GRID2: variants seen among roughly 807,000 people sequenced by gnomAD.
GRID2 encodes glutamate ionotropic receptor delta type subunit 2.
In GRID2, 33 loss-of-function variants were observed where a neutral mutation model predicts 114.8. The ratio of observed to expected loss-of-function variants is 0.29; its 90% CI spans 0.22 to 0.38. The LOEUF (loss-of-function observed/expected upper bound fraction) is 0.38, where lower values mean the gene tolerates loss of function less well. Among genes scored for constraint, GRID2 ranks in the 10% least tolerant of loss-of-function variants. The pLI is 1.00. For missense variants in GRID2, 1,184 were observed against 1,257.7 expected (o/e 0.94, Z 0.89); for synonymous variants, 505 against 449.9 (o/e 1.12, Z -1.55).
chr4:93,383,168 C>A (rs1210384630), intron 8 of GRID2, among the ~76,000 whole-genome samples: 1 of 152,128 alleles, frequency 6.6e-6, no homozygotes, highest in African/African-American at 2.4e-5. Flanking sequence ...CTGGAAATTA[C>A]TTCAGCCAGA....
intron 13 of GRID2, among the ~76,000 whole-genome samples, chr4:93,527,177 T>C (rs1730994583): frequency 6.6e-6 from 1 of 152,202 alleles, no homozygotes; most frequent in African/African-American, 2.4e-5. Flanking sequence ...ATAAATGCCA[T>C]GACTATTAGC....
At chr4:93,535,016 A>G (rs1370746962) in intron 13 of GRID2, among the ~76,000 whole-genome samples, 1 of 151,808 alleles carries the variant, frequency 6.6e-6, no homozygotes, top group Non-Finnish European at 1.5e-5. Flanking sequence ...ACATCTTCCC[A>G]TTCCTCACCT....
At chr4:93,627,068 A>G (rs1742795777) in intron 14 of GRID2, among the ~76,000 whole-genome samples, 1 of 152,232 alleles carries the variant, frequency 6.6e-6, no homozygotes, top group Non-Finnish European at 1.5e-5. Flanking sequence ...ATTTTAGATT[A>G]ACAATGCATA....
intron 2 of GRID2, among the ~76,000 whole-genome samples, chr4:92,590,519 A>G (rs941837267): frequency 1.4e-5 from 2 of 142,060 alleles, no homozygotes; most frequent in African/African-American, 5.0e-5. Flanking sequence ...ATGAACAAAT[A>G]TTTACATGTA....
At chr4:93,214,637 A>G (rs1409285199) in intron 5 of GRID2, among the ~76,000 whole-genome samples, 2 of 151,898 alleles carry the variant, frequency 1.3e-5, no homozygotes, top group Non-Finnish European at 2.9e-5. Flanking sequence ...GGCAAAATAC[A>G]CTCAATTCAA....
intron 11 of GRID2, among the ~76,000 whole-genome samples, chr4:93,489,312 GC>G (rs1205085938): frequency 3.9e-5 from 6 of 151,912 alleles, no homozygotes; most frequent in African/African-American, 7.2e-5. Context: ...AAATGCAAGG[GC>G]CCTGGGACAT....
intron 4 of GRID2, among the ~76,000 whole-genome samples, chr4:93,127,222 T>C (rs1734358096): frequency 6.6e-6 from 1 of 152,238 alleles, no homozygotes; most frequent in Admixed American, 6.5e-5. Context: ...TTTAACATGT[T>C]CATCATGAAA....
At chr4:92,624,577 T>A (rs11724402) in intron 2 of GRID2, among the ~76,000 whole-genome samples, 8,438 of 151,914 alleles carry the variant, frequency 0.056, 302 homozygotes, top group East Asian at 0.16. Context: ...GGTATAGATT[T>A]GCTATCAGGA....
intron 4 of GRID2, among the ~76,000 whole-genome samples, chr4:93,113,584 C>T (rs776380115): frequency 1.3e-5 from 2 of 152,206 alleles, no homozygotes; most frequent in Non-Finnish European, 2.9e-5. Flanking sequence ...GATACAATGA[C>T]AACAAAGATC....
At chr4:92,489,868 T>C (rs1253767163) in intron 1 of GRID2, among the ~76,000 whole-genome samples, 2 of 149,110 alleles carry the variant, frequency 1.3e-5, no homozygotes, top group Non-Finnish European at 3.0e-5. Context: ...AAAAAGTAAA[T>C]GATTTCACTT....
chr4:92,778,813 T>A (rs1198557429), intron 2 of GRID2, among the ~76,000 whole-genome samples: 1 of 152,096 alleles, frequency 6.6e-6, no homozygotes, highest in Non-Finnish European at 1.5e-5. Flanking sequence ...GTGGTATTTA[T>A]GTGAAGTTAT....
At chr4:92,429,658 T>C (rs549900194) in intron 1 of GRID2, among the ~76,000 whole-genome samples, 1 of 152,306 alleles carries the variant, frequency 6.6e-6, no homozygotes, top group Admixed American at 6.5e-5. Context: ...TTTTTAGTTT[T>C]ATGAGGAACC....
At position 92,836,952 on chromosome 4, in the gene GRID2, A is replaced by G. The variant is rs371550074; in HGVS notation, c.244+246666A>G. 1.6e-4 allele frequency among the ~76,000 whole-genome samples: 24 copies of G among 152,240 alleles called. 3 individuals carry two copies. In the East Asian group the frequency reaches 4.3e-3, roughly 27 times the overall value. ...ATCTTCAAGCGAAGATTGCTTGAGG[A>G]AATTTTAAAATGGAAGACACAGGGT... is the stretch of plus-strand genomic sequence containing the variant. On this transcript the variant is annotated intron_variant, in intron 2 of 15. Transcript: ENST00000282020.
At chr4:92,581,371 A>G (rs887060004) in intron 1 of GRID2, among the ~76,000 whole-genome samples, 2 of 152,052 alleles carry the variant, frequency 1.3e-5, no homozygotes, top group African/African-American at 2.4e-5. Flanking sequence ...TTAACCTCTT[A>G]CTATGCTCCA....
At chr4:93,605,033 G>C (rs1740078841) in intron 13 of GRID2, among the ~76,000 whole-genome samples, 1 of 152,148 alleles carries the variant, frequency 6.6e-6, no homozygotes, top group South Asian at 2.1e-4. Context: ...ATTGGGAATA[G>C]TAATGTATAG....
intron 8 of GRID2, among the ~76,000 whole-genome samples, chr4:93,276,512 A>G (rs1752076264): frequency 6.6e-6 from 1 of 152,024 alleles, no homozygotes; most frequent in African/African-American, 2.4e-5. Context: ...GAATCTGTAG[A>G]TCAATTTGGG....
At chr4:92,555,806 T>G (rs1726822392) in intron 1 of GRID2, among the ~76,000 whole-genome samples, 1 of 152,114 alleles carries the variant, frequency 6.6e-6, no homozygotes, top group Non-Finnish European at 1.5e-5. Flanking sequence ...TGAGGATTTT[T>G]CATTATTTTG....
chr4:92,307,924 A>G (rs1328960012), intron 1 of GRID2, among the ~76,000 whole-genome samples: 1 of 152,188 alleles, frequency 6.6e-6, no homozygotes, highest in Non-Finnish European at 1.5e-5. Flanking sequence ...ATTTCATCAG[A>G]CCCACATTAC....
intron 14 of GRID2, among the ~76,000 whole-genome samples, chr4:93,658,974 C>G (rs978626000): frequency 3.0e-4 from 46 of 152,072 alleles, no homozygotes; most frequent in African/African-American, 8.9e-4. Flanking sequence ...GGGGAGACTC[C>G]AGGGCCCTGG....
Sources: allele counts gnomAD v4.1 joint callset (sites outside exome capture counted in the v4.1 genomes callset), GRCh38; gene constraint gnomAD v4.1.1; transcripts MANE v1.5; gene names NCBI Gene and HGNC (gene_info 2026-07-23, HGNC 2026-07-21).